The following CTNNA3 variants were observed in gnomAD, a reference collection of about 807,000 sequenced individuals.
The protein encoded by CTNNA3 is catenin alpha-3.
A neutral mutation model predicts 95.7 loss-of-function variants in CTNNA3; 76 were observed. The ratio of observed to expected loss-of-function variants is 0.79; its 90% CI spans 0.66 to 0.96. The LOEUF (loss-of-function observed/expected upper bound fraction) is 0.96, where lower values mean the gene tolerates loss of function less well. Among genes scored for constraint, CTNNA3 ranks in the 40% least tolerant of loss-of-function variants. The pLI is 0.00. For synonymous variants in CTNNA3, 431 were observed against 374.4 expected, an observed-to-expected ratio of 1.15 and a Z score of -1.74; for missense variants, 1,191 against 1,089.8, an observed-to-expected ratio of 1.09 and a Z score of -1.31.
chr10:66,967,210 C>A (rs1051293414), intron 7 of CTNNA3, among the ~76,000 whole-genome samples: 7 of 151,794 alleles, frequency 4.6e-5, no homozygotes, highest in African/African-American at 1.7e-4. Flanking sequence ...CATACATTAG[C>A]CTTGACATAA....
chr10:66,772,068 G>A (rs1052891363), intron 8 of CTNNA3, among the ~76,000 whole-genome samples: 1 of 152,090 alleles, frequency 6.6e-6, no homozygotes, highest in Non-Finnish European at 1.5e-5. Flanking sequence ...AAAGATGCAA[G>A]TGTATTTGAG....
chr10:67,718,212 G>A (rs1190323701), intron 1 of CTNNA3, among the ~76,000 whole-genome samples: 1 of 152,122 alleles, frequency 6.6e-6, no homozygotes, highest in Admixed American at 6.6e-5. Context: ...AAGGAGATTT[G>A]GAGCTGAGAA....
chr10:67,439,845 G>T (rs1846433642), intron 5 of CTNNA3, among the ~76,000 whole-genome samples: 1 of 152,142 alleles, frequency 6.6e-6, no homozygotes, highest in African/African-American at 2.4e-5. Context: ...CAGGTAATAT[G>T]CCATGGGCCT....
At chr10:66,462,161 A>T (rs1037772785) in intron 11 of CTNNA3, among the ~76,000 whole-genome samples, 8 of 152,188 alleles carry the variant, frequency 5.3e-5, no homozygotes, top group African/African-American at 1.9e-4. Flanking sequence ...ATTTTATATA[A>T]ATTCCCTCCA....
intron 7 of CTNNA3, among the ~76,000 whole-genome samples, chr10:67,158,352 A>T (rs1464694872): frequency 6.6e-6 from 1 of 152,188 alleles, no homozygotes; most frequent in Admixed American, 6.5e-5. Flanking sequence ...TACATGCTCA[A>T]CTGAATCATA....
chr10:67,022,778 A>G (rs1257989264), intron 7 of CTNNA3, among the ~76,000 whole-genome samples: 3 of 152,082 alleles, frequency 2.0e-5, no homozygotes, highest in African/African-American at 4.8e-5. Context: ...TCTGCTAAAA[A>G]TACAAAAAAA....
intron 11 of CTNNA3, among the ~76,000 whole-genome samples, chr10:66,393,218 G>A (rs891762154): frequency 1.3e-5 from 2 of 152,072 alleles, no homozygotes; most frequent in African/African-American, 4.8e-5. Context: ...TTCCTAGGGA[G>A]GGTAAAATGT....
chr10:66,729,630 G>A (rs1003622614), intron 9 of CTNNA3, among the ~76,000 whole-genome samples: 3 of 152,104 alleles, frequency 2.0e-5, no homozygotes, highest in African/African-American at 7.2e-5. Context: ...GTGAACTTTG[G>A]GGACTCAGGG....
rs182689066 is a variant in CTNNA3 at position 67,533,742 on chromosome 10, G to A, written c.459+5761C>T. ...GGTCTCAGACTGTGTCCTTGTAAAT[G>A]TTCTATTGTAATTGCTTCTCCTGGG... On this transcript the variant is annotated intron_variant, in intron 4 of 17. Coordinates refer to ENST00000433211, the MANE Select transcript of CTNNA3 (RefSeq NM_013266.4). Among the ~76,000 whole-genome samples, 139 of 152,158 alleles carry A rather than the reference G, an allele frequency of 9.1e-4. 2 individuals carry two copies. The East Asian group carries it at 0.019, about 21-fold the overall frequency.
intron 12 of CTNNA3, among the ~76,000 whole-genome samples, chr10:66,335,735 G>A (rs1170189967): frequency 6.6e-6 from 1 of 152,120 alleles, no homozygotes; most frequent in African/African-American, 2.4e-5. Context: ...CGTGCTGGGA[G>A]AACCACTACT....
intron 7 of CTNNA3, among the ~76,000 whole-genome samples, chr10:66,849,185 T>A (rs895797430): frequency 4.3e-4 from 66 of 152,328 alleles, no homozygotes; most frequent in African/African-American, 1.5e-3. Flanking sequence ...TCAAAAACCG[T>A]AATTTCTTTT....
intron 17 of CTNNA3, among the ~76,000 whole-genome samples, chr10:65,931,630 G>C (rs1311411182): frequency 6.6e-6 from 1 of 152,206 alleles, no homozygotes; most frequent in Non-Finnish European, 1.5e-5. Flanking sequence ...GTACCTAAGT[G>C]AATATCAGAG....
intron 7 of CTNNA3, among the ~76,000 whole-genome samples, chr10:66,998,343 A>AT (rs1163132419): frequency 2.0e-5 from 3 of 152,200 alleles, no homozygotes; most frequent in Non-Finnish European, 4.4e-5. Context: ...ATAGAACAAT[A>AT]TTTTTTAAAG....
intron 13 of CTNNA3, among the ~76,000 whole-genome samples, chr10:66,265,371 G>A (rs548788537): frequency 2.0e-4 from 30 of 151,934 alleles, no homozygotes; most frequent in African/African-American, 6.3e-4. Context: ...CATACTTTTG[G>A]AAAGTCAACA....
chr10:66,329,659 C>T (rs1480583105), intron 12 of CTNNA3, among the ~76,000 whole-genome samples: 2 of 151,684 alleles, frequency 1.3e-5, no homozygotes, highest in Admixed American at 1.3e-4. Context: ...GAACAATGGG[C>T]GAATGAGTGA....
At chr10:66,498,165 A>T (rs1284095974) in intron 11 of CTNNA3, among the ~76,000 whole-genome samples, 1 of 152,084 alleles carries the variant, frequency 6.6e-6, no homozygotes, top group Non-Finnish European at 1.5e-5. Flanking sequence ...GACAATGACA[A>T]CGAAATCTCA....
intron 13 of CTNNA3, among the ~76,000 whole-genome samples, chr10:66,222,905 G>A (rs765226716): frequency 6.6e-6 from 1 of 151,986 alleles, no homozygotes; most frequent in Non-Finnish European, 1.5e-5. Flanking sequence ...AGTTCAACTG[G>A]TCAAATACTC....
intron 2 of CTNNA3, among the ~76,000 whole-genome samples, chr10:67,618,074 T>C (rs1384188962): frequency 6.6e-6 from 1 of 152,118 alleles, no homozygotes; most frequent in Non-Finnish European, 1.5e-5. Flanking sequence ...TATTCCTAAA[T>C]CAAACAACTA....
At chr10:66,585,413 C>T (rs541464881) in intron 10 of CTNNA3, among the ~76,000 whole-genome samples, 1 of 151,720 alleles carries the variant, frequency 6.6e-6, no homozygotes, top group African/African-American at 2.4e-5. Flanking sequence ...TTTTGCTGTG[C>T]TGATTGGGTT....
Sources: gnomAD v4.1 joint callset for allele counts (sites outside exome capture counted in the v4.1 genomes callset) on GRCh38, gnomAD v4.1.1 for gene constraint, MANE v1.5 for transcripts, NCBI Gene and HGNC (gene_info 2026-07-23, HGNC 2026-07-21) for gene names.